The following YES1 variants were observed in gnomAD, a reference collection of about 807,000 sequenced individuals.
YES1 encodes YES proto-oncogene 1, Src family tyrosine kinase.
YES1 carries 39 observed loss-of-function variants against 70.4 expected under a neutral mutation model. The observed-to-expected ratio is 0.55, with a 90% CI of 0.43 to 0.72. The LOEUF is 0.72. Ranked by LOEUF, YES1 falls within the 30% of genes least tolerant of loss-of-function variation. YES1 has a pLI of 0.00. For synonymous variants in YES1, 198 were observed against 218.6 expected, an observed-to-expected ratio of 0.91 and a Z score of 0.83; for missense variants, 495 against 644.8, an observed-to-expected ratio of 0.77 and a Z score of 2.52.
At chr18:806,924 A>G (rs1342019966) in intron 1 of YES1, among the ~76,000 whole-genome samples, 1 of 152,186 alleles carries the variant, frequency 6.6e-6, no homozygotes, top group Non-Finnish European at 1.5e-5. Context: ...CAAAGACAAG[A>G]TAAGTCAAAG....
chr18:738,735 T>C (rs1298075031), intron 9 of YES1: 1 of 150,870 alleles, frequency 6.6e-6, no homozygotes, highest in African/African-American at 2.4e-5. Context: ...TTTAGATTAC[T>C]AATATTTTCT....
At chr18:805,636 T>TA (rs1294710725) in intron 1 of YES1, among the ~76,000 whole-genome samples, 1 of 152,204 alleles carries the variant, frequency 6.6e-6, no homozygotes, top group Non-Finnish European at 1.5e-5. Flanking sequence ...TAGATAGTGT[T>TA]AGTGCTCTAC....
intron 1 of YES1, among the ~76,000 whole-genome samples, chr18:774,802 A>C (rs1177620413): frequency 6.6e-6 from 1 of 152,032 alleles, no homozygotes; most frequent in Non-Finnish European, 1.5e-5. Context: ...GCCATAATCC[A>C]CCCAAAGACT....
Position 764,977 on chromosome 18 carries a change from G to A in YES1, c.-8-8142C>T, listed in dbSNP as rs1005383468. Among the ~76,000 whole-genome samples the A allele has an allele frequency of 8.6e-5, 13 of 150,536 alleles. 1 individual carries two copies. Among genetic ancestry groups the A allele is most frequent in the Middle Eastern group, 3.5e-3 (1 of 282 alleles). On this transcript the variant is annotated intron_variant, in intron 1 of 11. Coordinates refer to ENST00000314574, the MANE Select transcript of YES1 (RefSeq NM_005433.4). ...TCTCAAACTCCTGACCTTGTGATCC[G>A]TCCGCCTTAGCCTCCCAAAGGGCTG...
chr18:759,930 A>T (rs1265249298), intron 1 of YES1, among the ~76,000 whole-genome samples: 1 of 140,262 alleles, frequency 7.1e-6, no homozygotes, highest in Non-Finnish European at 1.5e-5. Flanking sequence ...TCATTGTTCA[A>T]TTCCCACCTA....
chr18:727,773 G>T (rs994290794), intron 11 of YES1, among the ~76,000 whole-genome samples: 13 of 151,874 alleles, frequency 8.6e-5, no homozygotes, highest in African/African-American at 2.9e-4. Context: ...TTATAAATTC[G>T]GTAAGATTTT....
At chr18:797,872 A>G (rs1338912549) in intron 1 of YES1, 2 of 152,200 alleles carry the variant, frequency 1.3e-5, no homozygotes, top group Non-Finnish European at 1.5e-5. Context: ...TTGAGATATA[A>G]TTCTTCTAGA....
intron 6 of YES1, among the ~76,000 whole-genome samples, chr18:744,102 T>G (rs1433889517): frequency 6.6e-6 from 1 of 150,986 alleles, no homozygotes; most frequent in Non-Finnish European, 1.5e-5. Flanking sequence ...ACTAAATACT[T>G]AGTATGTTCC....
At chr18:751,858 GA>G (rs200135493) in intron 2 of YES1, 54 bp from the exon 3 acceptor site, 94,087 of 925,830 alleles carry the variant, frequency 0.1, 5,618 homozygotes, top group Admixed American at 0.24. Flanking sequence ...TAACAAAACA[GA>G]AAAAAAGAAC....
intron 1 of YES1, 74 bp from the exon 2 acceptor site, chr18:756,909 C>T: frequency 7.1e-7 from 1 of 1,405,150 alleles, no homozygotes; most frequent in South Asian, 1.4e-5. Context: ...TTCAAAAAAT[C>T]ATTTTAAGAA....
chr18:745,620 T>A (rs982320277), intron 6 of YES1, 88 bp downstream of exon 6: 6 of 1,304,836 alleles, frequency 4.6e-6, no homozygotes, highest in Non-Finnish European at 6.3e-6. Flanking sequence ...ATAAGTGTGT[T>A]AAATCTTAAG....
chr18:802,052 A>C (rs926143058), intron 1 of YES1, among the ~76,000 whole-genome samples: 2 of 152,230 alleles, frequency 1.3e-5, no homozygotes, highest in African/African-American at 4.8e-5. Context: ...GACCTTAATT[A>C]ACAGCTGATA....
intron 1 of YES1, among the ~76,000 whole-genome samples, chr18:769,557 T>G (rs1905064238): frequency 1.3e-5 from 2 of 152,218 alleles, no homozygotes; most frequent in African/African-American, 2.4e-5. Flanking sequence ...AGCTGTAGGA[T>G]TTTTGTATTA....
intron 11 of YES1, 34 bp from the exon 12 acceptor site, chr18:724,666 G>A (rs748626402): frequency 1.3e-6 from 2 of 1,569,894 alleles, no homozygotes; most frequent in Non-Finnish European, 1.8e-6. Context: ...AAAGAACAAT[G>A]GTCCTAACTA....
At chr18:805,184 C>T (rs569616670) in intron 1 of YES1, among the ~76,000 whole-genome samples, 1 of 152,260 alleles carries the variant, frequency 6.6e-6, no homozygotes, top group Non-Finnish European at 1.5e-5. Context: ...TGTACTTACA[C>T]AAACCTACGT....
rs571767119 is a variant in YES1, at chr18:746,344, C to T, written c.471-293G>A. 1.2e-4 allele frequency among the ~76,000 whole-genome samples: 18 copies of T among 152,228 alleles called. 1 individual carries two copies. Among genetic ancestry groups the T allele is most frequent in the South Asian group, 1.0e-3 (5 of 4,816 alleles). On this transcript the variant is annotated intron_variant, in intron 4 of 11. Coordinates refer to ENST00000314574, the MANE Select transcript of YES1 (RefSeq NM_005433.4). ...GAGGGAAAGGCAGCAAAATAACAGA[C>T]CCTTTCTGTCAGTGACAAATGGAAA...
chr18:808,546 G>A (rs1213694381), intron 1 of YES1, among the ~76,000 whole-genome samples: 1 of 152,200 alleles, frequency 6.6e-6, no homozygotes, highest in African/African-American at 2.4e-5. Context: ...GTTTAAATGT[G>A]AACTGAAGGT....
intron 1 of YES1, chr18:798,028 T>C (rs1230509646): frequency 6.6e-6 from 1 of 152,132 alleles, no homozygotes; most frequent in Non-Finnish European, 1.5e-5. Context: ...TACTACAAAT[T>C]CTGCATTTGG....
At chr18:789,324 G>A (rs1225770802) in intron 1 of YES1, among the ~76,000 whole-genome samples, 1 of 152,142 alleles carries the variant, frequency 6.6e-6, no homozygotes, top group Non-Finnish European at 1.5e-5. Flanking sequence ...ACTCACGCAT[G>A]TAATCCCAAC....
Sources: allele counts gnomAD v4.1 joint callset (sites outside exome capture counted in the v4.1 genomes callset), GRCh38; gene constraint gnomAD v4.1.1; transcripts MANE v1.5; gene names NCBI Gene and HGNC (gene_info 2026-07-23, HGNC 2026-07-21).